The following CTBP2 variants were observed in gnomAD, a reference collection of about 807,000 sequenced individuals.
The protein encoded by CTBP2 is C-terminal binding protein 2.
CTBP2 carries 30 observed loss-of-function variants against 80.3 expected under a neutral mutation model. That is an observed-to-expected ratio of 0.37 (90% CI 0.28 to 0.51). CTBP2 has a LOEUF of 0.51. CTBP2 is among the 20% of genes least tolerant of loss of function. The pLI, the probability that CTBP2 is intolerant of heterozygous loss-of-function variation, is 0.93. For synonymous variants in CTBP2, 594 were observed against 587.4 expected (o/e 1.01, Z -0.16); for missense variants, 1,212 against 1,375.3 (o/e 0.88, Z 1.88).
intron 2 of CTBP2, among the ~76,000 whole-genome samples, chr10:125,064,363 G>A (rs1844308843): frequency 6.6e-6 from 1 of 152,172 alleles, no homozygotes; most frequent in Non-Finnish European, 1.5e-5. Flanking sequence ...ACGGGAACAG[G>A]CAAGTACTTC....
intron 8 of CTBP2, among the ~76,000 whole-genome samples, chr10:124,992,446 C>G (rs1260325414): frequency 1.3e-5 from 2 of 152,234 alleles, no homozygotes; most frequent in East Asian, 1.9e-4. Context: ...AAGGCAGTTC[C>G]TAGCACCTGT....
chr10:125,023,465 G>A (rs1012170562), intron 1 of CTBP2, among the ~76,000 whole-genome samples: 10 of 152,190 alleles, frequency 6.6e-5, no homozygotes, highest in East Asian at 1.9e-4. Context: ...CACGTGACAC[G>A]GGGAGATTGC....
At chr10:125,084,367 A>G (rs1847657538) in intron 2 of CTBP2, among the ~76,000 whole-genome samples, 1 of 152,212 alleles carries the variant, frequency 6.6e-6, no homozygotes, top group South Asian at 2.1e-4. Context: ...TCGAGCCAAC[A>G]GCAGCCCCGT....
chr10:125,065,255 C>CT lies in CTBP2; in HGVS notation c.-101-26101dup, dbSNP rs1291265237. On this transcript the variant is annotated intron_variant, in intron 2 of 10. Coordinates refer to the CTBP2 transcript ENST00000337195. ...TCAGATCCAAATGGAAGTCTTGCAA[C>CT]TGGGGCACTCTGCTTGAACTCAAAT... 5.9e-5 allele frequency among the ~76,000 whole-genome samples: 9 copies of CT among 152,314 alleles called. 1 individual carries two copies. In the East Asian group the frequency reaches 1.5e-3, roughly 26 times the overall value.
At chr10:125,060,683 C>T (rs192282035) in intron 2 of CTBP2, among the ~76,000 whole-genome samples, 74 of 152,274 alleles carry the variant, frequency 4.9e-4, no homozygotes, top group South Asian at 2.3e-3. Flanking sequence ...GTGTATTCTG[C>T]GTGGGCAGAA....
chr10:124,995,895 T>C (rs1953427351), intron 4 of CTBP2, among the ~76,000 whole-genome samples: 2 of 151,756 alleles, frequency 1.3e-5, no homozygotes, highest in Non-Finnish European at 2.9e-5. Context: ...CTTCCCCCGT[T>C]CCTGCAGCCT....
intron 1 of CTBP2, among the ~76,000 whole-genome samples, chr10:125,007,897 C>T (rs182807401): frequency 2.0e-5 from 3 of 151,934 alleles, no homozygotes; most frequent in African/African-American, 7.2e-5. Flanking sequence ...TACCCCAAAG[C>T]AAAGCAGCTG....
At chr10:125,014,931 G>A (rs1021185906) in intron 1 of CTBP2, among the ~76,000 whole-genome samples, 3 of 152,130 alleles carry the variant, frequency 2.0e-5, no homozygotes, top group Non-Finnish European at 2.9e-5. Flanking sequence ...ACCTCCAAGC[G>A]AATAAAAACC....
chr10:125,050,269 T>C (rs1441264226), intron 2 of CTBP2, among the ~76,000 whole-genome samples: 1 of 152,204 alleles, frequency 6.6e-6, no homozygotes, highest in Non-Finnish European at 1.5e-5. Flanking sequence ...GGAAATGATA[T>C]GTAGAAATCA....
intron 2 of CTBP2, among the ~76,000 whole-genome samples, chr10:125,085,237 A>G (rs1847804655): frequency 6.6e-6 from 1 of 152,220 alleles, no homozygotes; most frequent in Admixed American, 6.5e-5. Context: ...AGTAGAGAAA[A>G]GCCGCCAACA....
At chr10:125,158,195 C>T (rs1348444092) in intron 1 of CTBP2, among the ~76,000 whole-genome samples, 1 of 151,950 alleles carries the variant, frequency 6.6e-6, no homozygotes, top group Non-Finnish European at 1.5e-5. Context: ...CCTCAGAATT[C>T]TCAAAGTACA....
intron 3 of CTBP2, 128 bp downstream of exon 3, chr10:125,038,869 A>T: frequency 3.4e-6 from 3 of 879,012 alleles, no homozygotes; most frequent in East Asian, 2.6e-5. Flanking sequence ...TGCCAATGGT[A>T]TGCAGTGTTG....
chr10:125,133,174 G>A (rs1000768213), intron 1 of CTBP2, among the ~76,000 whole-genome samples: 2 of 152,144 alleles, frequency 1.3e-5, no homozygotes, highest in Admixed American at 1.3e-4. Context: ...TCTGGTGCAT[G>A]GAAATCCACA....
intron 2 of CTBP2, among the ~76,000 whole-genome samples, chr10:125,097,090 T>C (rs1002503932): frequency 3.9e-5 from 6 of 152,242 alleles, no homozygotes; most frequent in African/African-American, 1.4e-4. Flanking sequence ...TCTAAACTAT[T>C]ACATGCCTCC....
intron 2 of CTBP2, among the ~76,000 whole-genome samples, chr10:125,043,910 A>T (rs1427137247): frequency 6.6e-6 from 1 of 152,208 alleles, no homozygotes; most frequent in Admixed American, 6.5e-5. Context: ...CTATTTAAAC[A>T]TTCTGTTAAT....
chr10:125,009,266 C>A (rs1481182675), intron 1 of CTBP2, among the ~76,000 whole-genome samples: 1 of 152,330 alleles, frequency 6.6e-6, no homozygotes, highest in East Asian at 1.9e-4. Context: ...CAGAGCCAAG[C>A]GATTCACGGC....
chr10:125,109,803 CT>C (rs1852012560), intron 2 of CTBP2, among the ~76,000 whole-genome samples: 1 of 152,362 alleles, frequency 6.6e-6, no homozygotes, highest in East Asian at 1.9e-4. Context: ...CCCAATCCAC[CT>C]GTTCGATTCA....
intron 2 of CTBP2, among the ~76,000 whole-genome samples, chr10:125,044,378 G>A (rs986377550): frequency 1.3e-5 from 2 of 152,026 alleles, no homozygotes; most frequent in African/African-American, 4.8e-5. Context: ...CCAGTTAACA[G>A]GGCCTTGAGA....
At chr10:125,124,853 G>C (rs1437584486) in intron 1 of CTBP2, among the ~76,000 whole-genome samples, 1 of 152,134 alleles carries the variant, frequency 6.6e-6, no homozygotes, top group African/African-American at 2.4e-5. Context: ...CCTTCAAAAG[G>C]GGATGGCAGT....
Sources: gnomAD v4.1 joint callset for allele counts (sites outside exome capture counted in the v4.1 genomes callset) on GRCh38, gnomAD v4.1.1 for gene constraint, MANE v1.5 for transcripts, NCBI Gene and HGNC (gene_info 2026-07-23, HGNC 2026-07-21) for gene names.